Variants in LRRK2 observed in about 807,000 individuals in gnomAD.
LRRK2 encodes leucine-rich repeat serine/threonine-protein kinase 2.
Under a neutral mutation model 302.6 loss-of-function variants are expected in LRRK2, and 203 were observed. The observed-to-expected ratio is 0.67, with a 90% CI of 0.60 to 0.75. LRRK2 has a LOEUF of 0.75. LRRK2 is among the 30% of genes least tolerant of loss of function. The probability of loss-of-function intolerance (pLI) is 0.00; values close to 1 mark genes in which losing one functional copy is unlikely to be tolerated. For synonymous variants in LRRK2, 1,066 were observed against 1,031.9 expected (o/e 1.03, Z -0.63); for missense variants, 2,830 against 2,951.0 (o/e 0.96, Z 0.95).
intron 20 of LRRK2, 139 bp from the exon 21 acceptor site, chr12:40,293,406 T>G: frequency 1.7e-6 from 1 of 588,874 alleles, no homozygotes; most frequent in Non-Finnish European, 3.0e-6. Context: ...TTTAAAGATT[T>G]TACAAAGGGA....
At position 40,305,765 on chromosome 12, in the gene LRRK2, C is replaced by A; in HGVS notation, c.3778-20C>A. The A allele has an allele frequency of 1.2e-6, 2 of 1,611,822 alleles. No individual in the cohort carries two copies. Among genetic ancestry groups the A allele is most frequent in the Non-Finnish European group, 1.7e-6 (2 of 1,178,692 alleles). ...TCTTCCTTCCCACCAACAGGTTTTG[C>A]CCTTTTTTTTCCCATTAAGATTCCT... On this transcript the variant is annotated intron_variant, in intron 27 of 50. Transcript: ENST00000298910.
chr12:40,251,547 T>C lies in LRRK2; in HGVS notation c.1181+3T>C. On this transcript the variant is annotated splice_donor_region_variant and intron_variant, in intron 10 of 50. Transcript: ENST00000298910. ...AAGATTGGAGATGAAGATGGCCAGT[T>C]AGTAGTTTTGATTTTATATGATAGA... is the stretch of plus-strand genomic sequence containing the variant. 1 of 1,607,252 alleles carries C rather than the reference T, an allele frequency of 6.2e-7. No individual in the cohort carries two copies. Among genetic ancestry groups the C allele is most frequent in the South Asian group, 1.1e-5 (1 of 90,390 alleles).
At chr12:40,257,520 G>A (rs1565686294) in intron 12 of LRRK2, 143 bp downstream of exon 12, 13 of 889,952 alleles carry the variant, frequency 1.5e-5, no homozygotes, top group Admixed American at 4.2e-5. Context: ...ATGTAATCTC[G>A]TGTCACTAGT....
intron 11 of LRRK2, among the ~76,000 whole-genome samples, chr12:40,256,617 GC>G (rs1942521535): frequency 6.6e-6 from 1 of 152,152 alleles, no homozygotes; most frequent in Non-Finnish European, 1.5e-5. Flanking sequence ...CTATGTAAAT[GC>G]TTTCCATTCA....
chr12:40,266,767 G>A (rs1162066211), intron 14 of LRRK2, among the ~76,000 whole-genome samples: 2 of 149,824 alleles, frequency 1.3e-5, no homozygotes, highest in Middle Eastern at 3.4e-3. Context: ...GTCCAACAAT[G>A]ATAGACTGGA....
chr12:40,226,749 G>T (rs192960384), intron 2 of LRRK2, among the ~76,000 whole-genome samples: 1 of 152,288 alleles, frequency 6.6e-6, no homozygotes, highest in East Asian at 1.9e-4. Flanking sequence ...GTTCTTTTAA[G>T]ACTCAAAGTC....
intron 2 of LRRK2, among the ~76,000 whole-genome samples, chr12:40,230,668 C>CTTTT (rs3057613): frequency 7.4e-6 from 1 of 135,330 alleles, no homozygotes; most frequent in Non-Finnish European, 1.6e-5. Flanking sequence ...TGCACTTTCT[C>CTTTT]TTTTTTTTTT....
chr12:40,255,873 T>G (rs1942477568), intron 11 of LRRK2, among the ~76,000 whole-genome samples: 1 of 152,304 alleles, frequency 6.6e-6, no homozygotes, highest in East Asian at 1.9e-4. Flanking sequence ...TGAATGTGTT[T>G]AAAAGGTATG....
intron 39 of LRRK2, among the ~76,000 whole-genome samples, chr12:40,330,249 A>G (rs185702586): frequency 3.0e-4 from 46 of 152,298 alleles, no homozygotes; most frequent in African/African-American, 1.1e-3. Context: ...TGTTAAAAAT[A>G]TCTTAGTTTT....
At chr12:40,272,083 A>G (rs1943252428) in intron 14 of LRRK2, among the ~76,000 whole-genome samples, 1 of 152,198 alleles carries the variant, frequency 6.6e-6, no homozygotes, top group African/African-American at 2.4e-5. Flanking sequence ...GTAGTATAAA[A>G]TGGAAATGCA....
rs1946954981 is a variant in LRRK2, at chr12:40,368,830, T to C, written c.*1065T>C. 6.6e-6 allele frequency: 1 copy of C among 151,842 alleles called. No individual in the cohort carries two copies. Among genetic ancestry groups the C allele is most frequent in the Admixed American group, 6.6e-5 (1 of 15,184 alleles). 9.4% of individuals were successfully genotyped at this position (151,842 alleles called of 1,614,324 possible). ...ATATCTGCCACCCTAGGCTTCCAAATTATACTTAAATTGTTTACATAGCTT... is the reference window on the plus strand; with the variant it reads ...ATATCTGCCACCCTAGGCTTCCAAACTATACTTAAATTGTTTACATAGCTT... On this transcript the variant is annotated 3_prime_UTR_variant, in exon 51 of 51. Coordinates refer to ENST00000298910, the MANE Select transcript of LRRK2 (RefSeq NM_198578.4).
chr12:40,328,173 A>C (rs1054662921), intron 38 of LRRK2, among the ~76,000 whole-genome samples, 187 bp from the exon 39 acceptor site: 10 of 152,212 alleles, frequency 6.6e-5, no homozygotes, highest in African/African-American at 2.2e-4. Context: ...TTAAGGACAA[A>C]ATCTTTACAT....
chr12:40,274,749 G>T, intron 15 of LRRK2, 22 bp downstream of exon 15: 1 of 1,613,868 alleles, frequency 6.2e-7, no homozygotes, highest in Non-Finnish European at 8.5e-7. Context: ...TTGAATTCAG[G>T]ATTTAGAATA....
chr12:40,268,965 T>A (rs1460766251), intron 14 of LRRK2, among the ~76,000 whole-genome samples: 1 of 152,166 alleles, frequency 6.6e-6, no homozygotes, highest in Non-Finnish European at 1.5e-5. Context: ...TTTATCTTAC[T>A]CCTTTTGCCA....
At position 40,274,670 on chromosome 12, in the gene LRRK2, C is replaced by T. The variant is rs1281893978; in HGVS notation, c.1744C>T (p.Leu582=). The T allele has an allele frequency of 3.1e-6, 5 of 1,613,956 alleles. No individual in the cohort carries two copies. The highest frequency in any genetic ancestry group is 3.3e-4 in the Middle Eastern group (2 of 6,058). The change falls in exon 15 of 51, where the codon CTG becomes TTG. Residue 582 remains leucine, a synonymous_variant. Coordinates refer to ENST00000298910, the MANE Select transcript of LRRK2 (RefSeq NM_198578.4). ...HFPDALEMLS[L]EGAMDSVLHT... The stretch of plus-strand genomic sequence containing the variant: ...TCCTGATGCATTAGAGATGTTATCC[C>T]TGGAAGGTGCTATGGATTCAGTGCT...
chr12:40,245,057 TC>T (rs1325640738), intron 7 of LRRK2, among the ~76,000 whole-genome samples: 1 of 151,488 alleles, frequency 6.6e-6, no homozygotes, highest in Non-Finnish European at 1.5e-5. Flanking sequence ...CTTTTCACCG[TC>T]TTTATGGTGG....
chr12:40,338,502 CA>C (rs761259927), intron 40 of LRRK2, among the ~76,000 whole-genome samples: 1 of 152,138 alleles, frequency 6.6e-6, no homozygotes, highest in Non-Finnish European at 1.5e-5. Flanking sequence ...AAATATTTGA[CA>C]ATAGTCATGG....
In LRRK2 at chr12:40,333,674, C is replaced by T. The variant is rs866400428; in HGVS notation, c.5758-1293C>T. Among the ~76,000 whole-genome samples the T allele has an allele frequency of 8.6e-5, 13 of 151,092 alleles. 1 individual carries two copies. Among genetic ancestry groups the T allele is most frequent in the Non-Finnish European group, 1.6e-4 (11 of 67,820 alleles). On this transcript the variant is annotated intron_variant, in intron 39 of 50. Transcript: ENST00000298910. ...CTCTGTCCAAGCCAAAATGATATCT[C>T]GGACTTTTTTTGAATTGCAGAGAGA...
intron 16 of LRRK2, 30 bp downstream of exon 16, chr12:40,275,023 G>C: frequency 1.2e-6 from 2 of 1,612,890 alleles, no homozygotes; most frequent in Non-Finnish European, 1.7e-6. Context: ...AAGAATTTGG[G>C]AACTTGTGCG....
Sources: gnomAD v4.1 joint callset for allele counts (sites outside exome capture counted in the v4.1 genomes callset) on GRCh38, gnomAD v4.1.1 for gene constraint, MANE v1.5 for transcripts, NCBI Gene and HGNC (gene_info 2026-07-23, HGNC 2026-07-21) for gene names.